Variants in EXOC2 observed in about 807,000 individuals in gnomAD.
The protein encoded by EXOC2 is SEC5-like 1.
In EXOC2, 70 loss-of-function variants were observed where a neutral mutation model predicts 131.8. The ratio of observed to expected loss-of-function variants is 0.53; its 90% CI spans 0.44 to 0.65. The LOEUF is 0.65. Ranked by LOEUF, EXOC2 falls within the 30% of genes least tolerant of loss-of-function variation. EXOC2 has a pLI of 0.00. For missense variants in EXOC2, 923 were observed against 1,108.6 expected (o/e 0.83, Z 2.38); for synonymous variants, 411 against 398.4 (o/e 1.03, Z -0.38).
chr6:493,830 G>A (rs138882232), intron 25 of EXOC2, among the ~76,000 whole-genome samples: 152 of 152,332 alleles, frequency 1.0e-3, no homozygotes, highest in African/African-American at 3.5e-3. Flanking sequence ...GGCTGGAACA[G>A]TTTGATGGCC....
intron 4 of EXOC2, among the ~76,000 whole-genome samples, chr6:626,589 TCTTCAAAC>T (rs1213862508): frequency 3.3e-5 from 5 of 151,652 alleles, no homozygotes; most frequent in Non-Finnish European, 5.9e-5. Flanking sequence ...ACTCACAAAT[TCTTCAAAC>T]CTTTTTTTTT....
chr6:549,965 C>A (rs1213197630), intron 21 of EXOC2, among the ~76,000 whole-genome samples: 1 of 152,196 alleles, frequency 6.6e-6, no homozygotes, highest in African/African-American at 2.4e-5. Flanking sequence ...GTTCTGTCCA[C>A]CTAAAGTAAT....
intron 21 of EXOC2, among the ~76,000 whole-genome samples, chr6:553,450 C>A (rs987324264): frequency 1.3e-5 from 2 of 151,188 alleles, no homozygotes; most frequent in Non-Finnish European, 2.9e-5. Context: ...TAAAAGGCTA[C>A]GATGGAACTT....
chr6:487,402 C>T (rs1233541165), intron 27 of EXOC2, among the ~76,000 whole-genome samples: 1 of 152,108 alleles, frequency 6.6e-6, no homozygotes, highest in Non-Finnish European at 1.5e-5. Flanking sequence ...GTGATACAGT[C>T]ATCTAATTTT....
At chr6:534,478 G>A (rs187430986) in intron 22 of EXOC2, among the ~76,000 whole-genome samples, 3 of 152,096 alleles carry the variant, frequency 2.0e-5, no homozygotes, top group Admixed American at 2.0e-4. Flanking sequence ...TGACTTTCAA[G>A]CTTCTAGATC....
intron 1 of EXOC2, among the ~76,000 whole-genome samples, chr6:643,349 T>C (rs1004145503): frequency 3.3e-5 from 5 of 151,964 alleles, no homozygotes; most frequent in African/African-American, 1.2e-4. Flanking sequence ...CACAGGCAAT[T>C]CCAAAGACCG....
intron 11 of EXOC2, among the ~76,000 whole-genome samples, chr6:579,249 C>T (rs983674571): frequency 3.3e-5 from 5 of 152,052 alleles, no homozygotes; most frequent in African/African-American, 1.2e-4. Context: ...TAATATTAAA[C>T]CATTTGTATA....
intron 13 of EXOC2, among the ~76,000 whole-genome samples, chr6:567,554 A>C (rs1250435003): frequency 6.6e-6 from 1 of 152,198 alleles, no homozygotes; most frequent in Non-Finnish European, 1.5e-5. Context: ...TATATTGTAG[A>C]TATGTATATG....
intron 13 of EXOC2, 86 bp from the exon 14 acceptor site, chr6:565,015 T>A: frequency 4.1e-6 from 4 of 979,676 alleles, no homozygotes; most frequent in Non-Finnish European, 5.9e-6. Context: ...CAAGAGAACA[T>A]TAAATATGGT....
intron 1 of EXOC2, among the ~76,000 whole-genome samples, chr6:687,511 C>G (rs549089092): frequency 1.8e-4 from 28 of 152,194 alleles, no homozygotes; most frequent in Middle Eastern, 6.8e-3. Flanking sequence ...GTATCTTTAC[C>G]TAGTCCGTCA....
At position 619,484 on chromosome 6, in the gene EXOC2, G is replaced by C; in HGVS notation, c.482C>G (p.Thr161Arg). ...CCAGGCTGCTGAGAAATTCTCACTT[G>C]TAAAATCAGCACTCATTCCATGGAA... ...MLFHGMSADF[T>R]SENFSAAWYL... Residue 161 changes from threonine (T) to arginine (R), a missense_variant, in exon 5 of 28, where the codon ACA (threonine) becomes AGA (arginine). Physicochemically the swap from Thr to Arg is moderately conservative, Grantham distance 71 (BLOSUM62 -1). Transcript: ENST00000230449. 1 of 1,614,018 alleles carries C rather than the reference G, an allele frequency of 6.2e-7. No homozygotes were observed. Among genetic ancestry groups the C allele is most frequent in the Non-Finnish European group, 8.5e-7 (1 of 1,179,964 alleles).
At chr6:508,379 A>G (rs915876602) in intron 23 of EXOC2, among the ~76,000 whole-genome samples, 20 of 152,228 alleles carry the variant, frequency 1.3e-4, no homozygotes, top group African/African-American at 4.3e-4. Context: ...GGACAAATAT[A>G]TAACGACAGG....
intron 1 of EXOC2, among the ~76,000 whole-genome samples, chr6:691,978 G>A (rs1486300985): frequency 6.6e-6 from 1 of 152,152 alleles, no homozygotes; most frequent in African/African-American, 2.4e-5. Flanking sequence ...GAAGATTCTG[G>A]CTTTCAGTTG....
rs535919658 is a variant in EXOC2 at position 627,156 on chromosome 6, C to T, written c.422+2679G>A. Among the ~76,000 whole-genome samples, 386 of 150,170 alleles carry T rather than the reference C, an allele frequency of 2.6e-3. 3 individuals are homozygous for T. The highest frequency in any genetic ancestry group is 0.01 in the Middle Eastern group (3 of 286). ...CATCAACATTCTACAGTCTGCCTTTCCTTCCTTTTATCTTTCTCTAAAACA... is the reference window on the plus strand; with the variant it reads ...CATCAACATTCTACAGTCTGCCTTTTCTTCCTTTTATCTTTCTCTAAAACA... On this transcript the variant is annotated intron_variant, in intron 4 of 27. Coordinates refer to ENST00000230449, the MANE Select transcript of EXOC2 (RefSeq NM_018303.6).
intron 1 of EXOC2, among the ~76,000 whole-genome samples, chr6:639,288 C>G (rs992844564): frequency 8.6e-5 from 13 of 151,416 alleles, no homozygotes; most frequent in Middle Eastern, 3.4e-3. Flanking sequence ...CCACTGTGAG[C>G]AGGTGTGCAA....
chr6:568,997 T>C (rs1047095936), intron 13 of EXOC2, among the ~76,000 whole-genome samples: 1 of 152,194 alleles, frequency 6.6e-6, no homozygotes, highest in Non-Finnish European at 1.5e-5. Context: ...CAGACCGCTT[T>C]CAGTTGTTAC....
chr6:487,496 TC>T (rs905612641), intron 27 of EXOC2, among the ~76,000 whole-genome samples: 10 of 152,124 alleles, frequency 6.6e-5, no homozygotes, highest in African/African-American at 2.4e-4. Context: ...AACCTCCACC[TC>T]CCGGATTCAA....
chr6:579,764 CAA>C (rs796263150), intron 11 of EXOC2, among the ~76,000 whole-genome samples: 1 of 145,336 alleles, frequency 6.9e-6, no homozygotes. Flanking sequence ...GACCAAGTGT[CAA>C]AAAAAAAACA....
intron 1 of EXOC2, chr6:670,169 C>G (rs1190356632): frequency 6.6e-6 from 1 of 152,206 alleles, no homozygotes; most frequent in African/African-American, 2.4e-5. Context: ...AGCACTGACA[C>G]AGAAGTTATC....
Sources: gnomAD v4.1 joint callset for allele counts (sites outside exome capture counted in the v4.1 genomes callset) on GRCh38, gnomAD v4.1.1 for gene constraint, MANE v1.5 for transcripts, NCBI Gene and HGNC (gene_info 2026-07-23, HGNC 2026-07-21) for gene names.